The following MACROD2 variants were observed in gnomAD, a reference collection of about 807,000 sequenced individuals.
The protein encoded by MACROD2 is mono-ADP ribosylhydrolase 2, also known as ADP-ribose glycohydrolase MACROD2.
In MACROD2, 36 loss-of-function variants were observed where a neutral mutation model predicts 70.4. The ratio of observed to expected loss-of-function variants is 0.51; its 90% CI spans 0.39 to 0.68. The LOEUF (loss-of-function observed/expected upper bound fraction) is 0.68. Ranked by LOEUF, MACROD2 falls within the 30% of genes least tolerant of loss-of-function variation. MACROD2 has a pLI of 0.00. For synonymous variants in MACROD2, 172 were observed against 178.8 expected (o/e 0.96, Z 0.30); for missense variants, 496 against 538.4 (o/e 0.92, Z 0.78).
chr20:14,578,159 A>T (rs1451859456), intron 4 of MACROD2, among the ~76,000 whole-genome samples: 2 of 150,868 alleles, frequency 1.3e-5, no homozygotes, highest in East Asian at 3.9e-4. Flanking sequence ...TATATAATAT[A>T]TATTATATTT....
In MACROD2 at chr20:14,733,456, TA is replaced by T. The variant is rs1255333582; in HGVS notation, c.418+48502del. Among the ~76,000 whole-genome samples the T allele has an allele frequency of 4.6e-5, 7 of 152,272 alleles. No individual in the cohort carries two copies. The East Asian group carries it at 1.4e-3, about 29-fold the overall frequency. ...ACATTTATGTTGGTTAATTGTATGA[TA>T]AAAATATTTTATAGTTAATAATAAT... On this transcript the variant is annotated intron_variant, in intron 5 of 17. Transcript: ENST00000684519.
chr20:15,909,684 C>T (rs958716984), intron 10 of MACROD2, among the ~76,000 whole-genome samples: 4 of 151,774 alleles, frequency 2.6e-5, no homozygotes, highest in African/African-American at 9.7e-5. Context: ...CCACTGCGCC[C>T]GGCTAATTTT....
At chr20:14,176,708 A>T (rs558181875) in intron 3 of MACROD2, among the ~76,000 whole-genome samples, 55 of 152,310 alleles carry the variant, frequency 3.6e-4, no homozygotes, top group African/African-American at 1.2e-3. Context: ...CTCTTTGAAT[A>T]TAAGAAGAAA....
chr20:14,956,650 A>G (rs1044164043), intron 5 of MACROD2, among the ~76,000 whole-genome samples: 11 of 152,204 alleles, frequency 7.2e-5, no homozygotes, highest in African/African-American at 2.7e-4. Context: ...CATGTTAATT[A>G]TCGATTGTAG....
chr20:15,577,744 A>T (rs1568905153), intron 8 of MACROD2, among the ~76,000 whole-genome samples: 1 of 152,150 alleles, frequency 6.6e-6, no homozygotes, highest in Non-Finnish European at 1.5e-5. Flanking sequence ...TATCTGCAAT[A>T]CTTTTCTGGA....
rs757096898 is a variant in MACROD2 at position 14,519,993 on chromosome 20, T to C, written c.301+26485T>C. The stretch of plus-strand genomic sequence containing the variant: ...AAACCGAATACCACATGTTTTCACC[T>C]ATAAGTGGGAGCTAAACAATGAGAA... On this transcript the variant is annotated intron_variant, in intron 4 of 17. Coordinates refer to ENST00000684519, the MANE Select transcript of MACROD2 (RefSeq NM_001351661.2). Among the ~76,000 whole-genome samples the C allele has an allele frequency of 1.1e-4, 17 of 152,208 alleles. No individual in the cohort carries two copies. In the Middle Eastern group the frequency reaches 0.014, roughly 122 times the overall value.
At chr20:14,676,819 G>T (rs1600527815) in intron 4 of MACROD2, among the ~76,000 whole-genome samples, 1 of 152,012 alleles carries the variant, frequency 6.6e-6, no homozygotes, top group Admixed American at 6.6e-5. Context: ...TAGACCACTA[G>T]CCAGACTAAT....
intron 5 of MACROD2, among the ~76,000 whole-genome samples, chr20:15,082,067 C>T (rs1380227986): frequency 6.6e-6 from 1 of 152,158 alleles, no homozygotes; most frequent in Admixed American, 6.5e-5. Flanking sequence ...AGCTTCTTGG[C>T]AATGACAGAA....
chr20:14,275,462 C>A (rs2082243438), intron 3 of MACROD2, among the ~76,000 whole-genome samples: 1 of 151,664 alleles, frequency 6.6e-6, no homozygotes. Context: ...CTTCCTTACA[C>A]CTTATACAAA....
At chr20:15,400,702 A>G (rs371041665) in intron 6 of MACROD2, among the ~76,000 whole-genome samples, 65 of 152,280 alleles carry the variant, frequency 4.3e-4, no homozygotes, top group African/African-American at 1.5e-3. Flanking sequence ...ATGCCATCAT[A>G]TAGGCTACCT....
intron 4 of MACROD2, among the ~76,000 whole-genome samples, chr20:14,541,983 A>G (rs1360906522): frequency 6.6e-6 from 1 of 152,228 alleles, no homozygotes; most frequent in African/African-American, 2.4e-5. Flanking sequence ...CCCAATTTTA[A>G]TAAACCACAT....
intron 8 of MACROD2, among the ~76,000 whole-genome samples, chr20:15,793,006 C>T (rs2063638891): frequency 6.6e-6 from 1 of 152,094 alleles, no homozygotes; most frequent in Non-Finnish European, 1.5e-5. Context: ...AATCTTAAAA[C>T]ATGAAGCGTA....
intron 10 of MACROD2, among the ~76,000 whole-genome samples, chr20:15,913,160 C>CTAT (rs924515360): frequency 2.6e-5 from 4 of 151,732 alleles, no homozygotes; most frequent in African/African-American, 9.7e-5. Context: ...GCTATTATCA[C>CTAT]TATTATTATT....
intron 3 of MACROD2, among the ~76,000 whole-genome samples, chr20:14,273,904 A>G (rs1209489460): frequency 1.3e-5 from 2 of 152,298 alleles, no homozygotes; most frequent in Middle Eastern, 3.4e-3. Flanking sequence ...GAAGAAATGG[A>G]TAAATTCCTC....
intron 8 of MACROD2, among the ~76,000 whole-genome samples, chr20:15,605,769 G>A (rs1600658746): frequency 6.6e-6 from 1 of 152,090 alleles, no homozygotes; most frequent in Non-Finnish European, 1.5e-5. Context: ...TTATGACATA[G>A]CCATTGTTGT....
At chr20:14,690,080 G>GAA (rs57641368) in intron 5 of MACROD2, among the ~76,000 whole-genome samples, 36 of 150,800 alleles carry the variant, frequency 2.4e-4, no homozygotes, top group East Asian at 1.4e-3. Flanking sequence ...CTCCTAAGGA[G>GAA]AAAAAAAAAT....
intron 1 of MACROD2, among the ~76,000 whole-genome samples, chr20:13,997,011 A>C (rs1368687526): frequency 2.6e-5 from 4 of 152,184 alleles, no homozygotes; most frequent in Admixed American, 6.5e-5. Flanking sequence ...TAAGAAAGGG[A>C]ATTAATGTGG....
intron 3 of MACROD2, among the ~76,000 whole-genome samples, chr20:14,416,431 A>C (rs2083806094): frequency 6.6e-6 from 1 of 152,208 alleles, no homozygotes; most frequent in Non-Finnish European, 1.5e-5. Context: ...TATATAACAA[A>C]TAGTGTGTTC....
chr20:15,624,144 A>C (rs1424369832), intron 8 of MACROD2, among the ~76,000 whole-genome samples: 1 of 152,206 alleles, frequency 6.6e-6, no homozygotes, highest in Non-Finnish European at 1.5e-5. Context: ...CAAGGGTCCA[A>C]CAGCCAAAGA....
Sources: allele counts gnomAD v4.1 joint callset (sites outside exome capture counted in the v4.1 genomes callset), GRCh38; gene constraint gnomAD v4.1.1; transcripts MANE v1.5; gene names NCBI Gene and HGNC (gene_info 2026-07-23, HGNC 2026-07-21).